Variants in CMIP observed in about 807,000 individuals in gnomAD.
CMIP encodes c-Maf inducing protein, also known as C-Maf-inducing protein.
In CMIP, 13 loss-of-function variants were observed where a neutral mutation model predicts 97.3. That is an observed-to-expected ratio of 0.13 (90% CI 0.09 to 0.21). CMIP has a LOEUF of 0.21. Among genes scored for constraint, CMIP ranks in the 10% least tolerant of loss-of-function variants. CMIP has a pLI of 1.00. For missense variants in CMIP, 847 were observed against 1,024.9 expected (o/e 0.83, Z 2.37); for synonymous variants, 538 against 436.3 (o/e 1.23, Z -2.91).
intron 1 of CMIP, chr16:81,476,596 A>G: frequency 2.1e-6 from 1 of 470,934 alleles, no homozygotes; most frequent in Non-Finnish European, 3.9e-6. Flanking sequence ...AGTTTCATAT[A>G]AATAGTATCA....
intron 1 of CMIP, among the ~76,000 whole-genome samples, chr16:81,481,535 A>G (rs977987310): frequency 2.0e-5 from 3 of 152,196 alleles, no homozygotes; most frequent in African/African-American, 7.2e-5. Context: ...TCTGCGTGGG[A>G]TGGGGCCATG....
chr16:81,601,890 G>A (rs766003832), intron 1 of CMIP, among the ~76,000 whole-genome samples: 3 of 152,180 alleles, frequency 2.0e-5, no homozygotes, highest in Non-Finnish European at 4.4e-5. Flanking sequence ...TCAAGCTGGT[G>A]GCCCAGGACA....
chr16:81,634,003 A>G (rs1484580612), intron 3 of CMIP, among the ~76,000 whole-genome samples: 1 of 152,238 alleles, frequency 6.6e-6, no homozygotes, highest in East Asian at 1.9e-4. Context: ...CTGCAGACCC[A>G]GGGATTTTGA....
intron 1 of CMIP, among the ~76,000 whole-genome samples, chr16:81,491,251 C>A (rs1250835587): frequency 6.6e-6 from 1 of 152,218 alleles, no homozygotes; most frequent in East Asian, 1.9e-4. Context: ...GTTGGCCTTA[C>A]AAGAGCCTGG....
intron 10 of CMIP, among the ~76,000 whole-genome samples, chr16:81,690,532 C>T (rs1567665053): frequency 6.6e-6 from 1 of 152,160 alleles, no homozygotes; most frequent in Non-Finnish European, 1.5e-5. Context: ...GAGTCTGAGT[C>T]TCGCTCTGTT....
chr16:81,607,804 C>G, intron 2 of CMIP, 112 bp downstream of exon 2: 1 of 1,215,358 alleles, frequency 8.2e-7, no homozygotes, highest in Non-Finnish European at 1.1e-6. Context: ...GGTTGTTTAA[C>G]TTTGGGTGAT....
chr16:81,551,698 C>A (rs570462765), intron 1 of CMIP, among the ~76,000 whole-genome samples: 4 of 152,308 alleles, frequency 2.6e-5, no homozygotes, highest in African/African-American at 9.6e-5. Flanking sequence ...GCAAACTTCC[C>A]CCATCCAAGG....
chr16:81,706,891 C>A (rs1245978439), intron 19 of CMIP, 123 bp from the exon 20 acceptor site: 4 of 784,482 alleles, frequency 5.1e-6, no homozygotes, highest in Admixed American at 4.2e-5. Context: ...AAACCTCCCT[C>A]CCCAGCCCCA....
intron 3 of CMIP, chr16:81,631,187 T>C (rs2150974437): frequency 6.6e-6 from 1 of 152,408 alleles, no homozygotes; most frequent in East Asian, 1.9e-4. Flanking sequence ...ACTAGGCACC[T>C]ACTAGGGTCG....
chr16:81,496,488 A>G (rs936225944), intron 1 of CMIP, among the ~76,000 whole-genome samples: 4 of 152,236 alleles, frequency 2.6e-5, no homozygotes, highest in African/African-American at 9.6e-5. Flanking sequence ...AGACCAATTA[A>G]AATTTCAGCC....
In CMIP at chr16:81,670,623, G is replaced by T. The variant is rs1418049497; in HGVS notation, c.929+378G>T. Among the ~76,000 whole-genome samples the T allele has an allele frequency of 2.1e-3, 78 of 37,714 alleles. 1 individual carries two copies. The highest frequency in any genetic ancestry group is 8.1e-3 in the Admixed American group (35 of 4,304). The allele number at this position is 37,714 out of a possible 152,430, so 24.7% of individuals were successfully genotyped here. On this transcript the variant is annotated intron_variant, in intron 8 of 20. Coordinates refer to ENST00000537098, the MANE Select transcript of CMIP (RefSeq NM_198390.3). ...GGTTGGTGTTTTGGGTTTTTTTTGG[G>T]GGGGGGGGGGGTGGTTGCTTTTGCT...
chr16:81,557,399 C>T (rs920948915), intron 1 of CMIP, among the ~76,000 whole-genome samples: 1 of 152,138 alleles, frequency 6.6e-6, no homozygotes, highest in Non-Finnish European at 1.5e-5. Context: ...TTACTGTGTA[C>T]TTACCATCTT....
chr16:81,510,972 G>A (rs952267547), intron 1 of CMIP, among the ~76,000 whole-genome samples: 6 of 152,100 alleles, frequency 3.9e-5, no homozygotes, highest in South Asian at 2.1e-4. Flanking sequence ...CACCTGATTC[G>A]GCCTCCCATA....
At chr16:81,587,443 C>G (rs1016828888) in intron 1 of CMIP, among the ~76,000 whole-genome samples, 19 of 152,202 alleles carry the variant, frequency 1.2e-4, no homozygotes, top group Non-Finnish European at 2.9e-5. Context: ...CAGTGGGGGG[C>G]CGGTTTCACC....
chr16:81,487,796 A>G (rs1053924633), intron 1 of CMIP, among the ~76,000 whole-genome samples: 1 of 152,220 alleles, frequency 6.6e-6, no homozygotes, highest in African/African-American at 2.4e-5. Flanking sequence ...GTAAAGGCTC[A>G]AGAGCTGTGG....
chr16:81,662,423 A>G (rs1402108495), intron 6 of CMIP, among the ~76,000 whole-genome samples: 1 of 152,122 alleles, frequency 6.6e-6, no homozygotes, highest in African/African-American at 2.4e-5. Flanking sequence ...CCTTTTTGGC[A>G]TTCTTTGCTG....
intron 17 of CMIP, among the ~76,000 whole-genome samples, chr16:81,703,601 GCA>G (rs577962949): frequency 2.2e-5 from 3 of 138,482 alleles, no homozygotes; most frequent in Non-Finnish European, 5.0e-5. Context: ...ACACATACAG[GCA>G]CACACACACA....
At chr16:81,681,616 C>T (rs918418973) in intron 10 of CMIP, among the ~76,000 whole-genome samples, 4 of 152,206 alleles carry the variant, frequency 2.6e-5, no homozygotes, top group Non-Finnish European at 5.9e-5. Flanking sequence ...GCCATGTTCC[C>T]GCCGCTTGAC....
chr16:81,533,084 A>C (rs1597516417), intron 1 of CMIP, among the ~76,000 whole-genome samples: 1 of 152,048 alleles, frequency 6.6e-6, no homozygotes, highest in African/African-American at 2.4e-5. Context: ...TCCATCCAAA[A>C]AGTTGGCACC....
Sources: gnomAD v4.1 joint callset for allele counts (sites outside exome capture counted in the v4.1 genomes callset) on GRCh38, gnomAD v4.1.1 for gene constraint, MANE v1.5 for transcripts, NCBI Gene and HGNC (gene_info 2026-07-23, HGNC 2026-07-21) for gene names.